Variants in DGKZ observed in about 807,000 individuals in gnomAD.
The protein encoded by DGKZ is diacylglycerol kinase zeta, also known as DAG kinase zeta.
In DGKZ, 45 loss-of-function variants were observed where a neutral mutation model predicts 142.5. The ratio of observed to expected loss-of-function variants is 0.32; its 90% CI spans 0.25 to 0.40. The LOEUF is 0.40. Ranked by LOEUF, DGKZ falls within the 10% of genes least tolerant of loss-of-function variation. DGKZ has a pLI of 1.00. For synonymous variants in DGKZ, 442 were observed against 527.0 expected (o/e 0.84, Z 2.21); for missense variants, 755 against 1,306.5 (o/e 0.58, Z 6.51).
chr11:46,379,654 TCCCTGGGAAGACACAGTCCAGA>T, intron 30 of DGKZ, 86 bp downstream of exon 30: 1 of 1,365,762 alleles, frequency 7.3e-7, no homozygotes, highest in Non-Finnish European at 9.9e-7. Context: ...CTGGGGGCTG[TCCCTGGGAAGACACAGTCCAGA>T]CCCTGGGAAA....
intron 1 of DGKZ, among the ~76,000 whole-genome samples, chr11:46,340,211 T>A (rs1363998668): frequency 6.6e-6 from 1 of 152,236 alleles, no homozygotes; most frequent in Non-Finnish European, 1.5e-5. Flanking sequence ...TTGAGGATCT[T>A]GCTTTTGGCT....
intron 1 of DGKZ, among the ~76,000 whole-genome samples, chr11:46,352,186 G>A (rs1200261010): frequency 2.0e-5 from 3 of 152,320 alleles, no homozygotes; most frequent in Admixed American, 6.5e-5. Context: ...TAGGCCGCGC[G>A]GGCCCCTCGG....
chr11:46,376,519 C>T lies in DGKZ; in HGVS notation c.2162-5C>T, dbSNP rs751299190. Reference sequence around the variant, plus strand: ...CCTGATCCTCAGCTGCCCTCTCTCCCACAGCCACCACTGCCAGCCGCTTCT... The same window carrying T: ...CCTGATCCTCAGCTGCCCTCTCTCCTACAGCCACCACTGCCAGCCGCTTCT... On this transcript the variant is annotated splice_region_variant and splice_polypyrimidine_tract_variant and intron_variant, in intron 23 of 30. Coordinates refer to ENST00000527911, the Ensembl canonical transcript of DGKZ. 33 of 1,613,746 alleles carry T rather than the reference C, an allele frequency of 2.0e-5. No homozygotes were observed. The highest frequency in any genetic ancestry group is 2.2e-5 in the Non-Finnish European group (26 of 1,179,994).
At position 46,373,186 on chromosome 11, in the gene DGKZ, G is replaced by T. The variant is rs1590607682; in HGVS notation, c.1326+85G>T. 8.4e-6 allele frequency: 12 copies of T among 1,435,340 alleles called. No individual in the cohort carries two copies. In the East Asian group the frequency reaches 3.1e-4, roughly 37 times the overall value. The allele number at this position is 1,435,340 out of a possible 1,614,324, so 88.9% of individuals were successfully genotyped here. ...TCCACTTGCTGGTTCTGGGACCTCG[G>T]GCGTGTCTCTTCATTTCTCCAACTT... is the stretch of plus-strand genomic sequence containing the variant. On this transcript the variant is annotated intron_variant, in intron 14 of 30. Transcript: ENST00000527911.
intron 14 of DGKZ, among the ~76,000 whole-genome samples, chr11:46,373,498 G>T (rs199553880): frequency 0.013 from 1,020 of 79,342 alleles, 9 homozygotes; most frequent in African/African-American, 0.061. Context: ...TTTTTTTTTT[G>T]TTTTTGTTTT....
At position 46,367,182 on chromosome 11, in the gene DGKZ, C is replaced by A; in HGVS notation, c.162-109C>A. On this transcript the variant is annotated intron_variant, in intron 1 of 30. Coordinates refer to ENST00000527911, the Ensembl canonical transcript of DGKZ. This position sits in a 1 kb window ranked among gnomAD's most constrained non-coding sequence, Gnocchi z 4.1. ...TGTCTGGGGCTGCTGGGAGGCTCCTCCGCCCTCCCTGTTGCCGAGGTCACG... is the reference window on the plus strand; with the variant it reads ...TGTCTGGGGCTGCTGGGAGGCTCCTACGCCCTCCCTGTTGCCGAGGTCACG... 7.8e-7 allele frequency: 1 copy of A among 1,279,312 alleles called. No homozygotes were observed. The highest frequency in any genetic ancestry group is 1.1e-6 in the Non-Finnish European group (1 of 901,564). The allele number at this position is 1,279,312 out of a possible 1,614,324, so 79.2% of individuals were successfully genotyped here. A position where few individuals can be genotyped will look rare whatever the true frequency, so the allele number is the denominator to read the frequency against.
At chr11:46,368,266 G>A (rs1217377388) in intron 4 of DGKZ, 187 bp downstream of exon 4, 3 of 694,186 alleles carry the variant, frequency 4.3e-6, no homozygotes, top group Admixed American at 4.1e-5. Flanking sequence ...ATTAGCTGCT[G>A]TATCCCCACT....
chr11:46,379,569 G>T lies in DGKZ; in HGVS notation c.2688+1G>T. The T allele has an allele frequency of 1.2e-6, 2 of 1,605,302 alleles. No individual in the cohort carries two copies. Among genetic ancestry groups the T allele is most frequent in the Non-Finnish European group, 1.7e-6 (2 of 1,176,544 alleles). ...CTCGCTCATGAAGACAGACCAGCAG[G>T]TGAGCAGACGGCAGGCAGGGAGCCC... On this transcript the variant is annotated splice_donor_variant, in intron 30 of 30. Coordinates refer to ENST00000527911, the Ensembl canonical transcript of DGKZ. LOFTEE classifies it high-confidence loss of function.
In DGKZ at chr11:46,367,641, C is replaced by A; in HGVS notation, c.271-11C>A. On this transcript the variant is annotated splice_polypyrimidine_tract_variant and intron_variant, in intron 2 of 30. Transcript: ENST00000527911. The surrounding 1 kb of genome is among the most constrained non-coding windows in gnomAD (Gnocchi z 4.1). ...GCCAGCGTGTGCTGAGCAAGCCCAT[C>A]CCGTGGCTAGGAGTCAGCGACATAT... 1 of 1,591,270 alleles carries A rather than the reference C, an allele frequency of 6.3e-7. No individual in the cohort carries two copies.
exon 1 of DGKZ, chr11:46,333,404 C>A: frequency 6.6e-7 from 1 of 1,507,270 alleles, no homozygotes; most frequent in Non-Finnish European, 8.8e-7. Flanking sequence ...AGCCCTGGCC[C>A]GAGGGTTCCC....
chr11:46,338,421 G>A (rs915342854), intron 1 of DGKZ, among the ~76,000 whole-genome samples: 4 of 148,468 alleles, frequency 2.7e-5, no homozygotes, highest in South Asian at 2.1e-4. Context: ...GCTTGAACCC[G>A]GTAGGCAAAG....
chr11:46,374,060 G>A, intron 14 of DGKZ, 97 bp from the exon 15 acceptor site: 1 of 1,362,198 alleles, frequency 7.3e-7, no homozygotes, highest in East Asian at 2.3e-5. Flanking sequence ...AAAAGCCTGT[G>A]AACAGATGGG....
At chr11:46,369,043 C>G in intron 4 of DGKZ, 1 of 239,182 alleles carries the variant, frequency 4.2e-6, no homozygotes, top group Non-Finnish European at 8.4e-6. Context: ...CCCATCTCTA[C>G]TAAAAATCAC....
intron 4 of DGKZ, 81 bp downstream of exon 4, chr11:46,368,160 A>T (rs1333229545): frequency 6.9e-7 from 1 of 1,459,854 alleles, no homozygotes; most frequent in Admixed American, 1.7e-5. Flanking sequence ...CCCACATGTT[A>T]TACAAACGGC....
rs1186547241 is a variant in DGKZ at position 46,378,566 on chromosome 11, T to C, written c.2418+66T>C. 1.9e-6 allele frequency: 3 copies of C among 1,607,374 alleles called. No individual in the cohort carries two copies. In the African/African-American group the frequency reaches 4.0e-5, roughly 21 times the overall value. The stretch of plus-strand genomic sequence containing the variant: ...CTCGGGCCCTGGGGAGCGAGGCCTC[T>C]GGGTTGGGCCAAGAGCTGACCTGCT... On this transcript the variant is annotated intron_variant, in intron 27 of 30. Transcript: ENST00000527911.
intron 1 of DGKZ, among the ~76,000 whole-genome samples, chr11:46,360,733 C>T (rs893134299): frequency 6.6e-6 from 1 of 152,078 alleles, no homozygotes; most frequent in African/African-American, 2.4e-5. Context: ...TTGCAGTGAG[C>T]TGAGATCACG....
upstream of DGKZ, chr11:46,345,619 G>C: frequency 6.8e-7 from 1 of 1,479,434 alleles, no homozygotes; most frequent in Middle Eastern, 1.8e-4. The surrounding 1 kb of genome is among the most constrained non-coding windows in gnomAD (Gnocchi z 4.1). Context: ...AGTGGGCATG[G>C]GACCTCTGTC....
intron 1 of DGKZ, among the ~76,000 whole-genome samples, chr11:46,353,658 C>T (rs1030681752): frequency 3.3e-5 from 5 of 152,144 alleles, no homozygotes; most frequent in Non-Finnish European, 5.9e-5. Context: ...ACCCAGGGGT[C>T]GGTGGCTGGT....
chr11:46,357,907 T>C (rs753690276), intron 1 of DGKZ, among the ~76,000 whole-genome samples: 1 of 152,154 alleles, frequency 6.6e-6, no homozygotes, highest in Non-Finnish European at 1.5e-5. Context: ...CACAGCCAGA[T>C]TGGGGCACAG....
Sources: gnomAD v4.1 joint callset for allele counts (sites outside exome capture counted in the v4.1 genomes callset) on GRCh38, gnomAD v4.1.1 for gene constraint, Gnocchi (gnomAD v3.1) non-coding constraint, MANE v1.5 for transcripts, NCBI Gene and HGNC (gene_info 2026-07-23, HGNC 2026-07-21) for gene names.